TEX15: variants seen among roughly 807,000 people sequenced by gnomAD.
TEX15 encodes testis-expressed protein 15.
TEX15 carries 171 observed loss-of-function variants against 237.3 expected under a neutral mutation model. The ratio of observed to expected loss-of-function variants is 0.72; its 90% CI spans 0.64 to 0.82. TEX15 has a LOEUF of 0.82. Ranked by LOEUF, TEX15 falls within the 40% of genes least tolerant of loss-of-function variation. The pLI, the probability that TEX15 is intolerant of heterozygous loss-of-function variation, is 0.00. For missense variants in TEX15, 3,750 were observed against 3,646.5 expected (o/e 1.03, Z -0.73); for synonymous variants, 1,338 against 1,269.8 (o/e 1.05, Z -1.14).
intron 7 of TEX15, among the ~76,000 whole-genome samples, chr8:30,851,112 T>G (rs1807774577): frequency 6.6e-6 from 1 of 152,118 alleles, no homozygotes; most frequent in Non-Finnish European, 1.5e-5. Flanking sequence ...AACCCATTCT[T>G]ACTCATTTAC....
At chr8:30,873,251 T>C (rs942791486) in intron 4 of TEX15, among the ~76,000 whole-genome samples, 14 of 152,286 alleles carry the variant, frequency 9.2e-5, no homozygotes, top group African/African-American at 3.4e-4. Context: ...TTAAATCTCA[T>C]TCCTTTTAAA....
intron 2 of TEX15, among the ~76,000 whole-genome samples, chr8:30,889,375 C>T (rs1269769933): frequency 6.6e-6 from 1 of 152,082 alleles, no homozygotes; most frequent in African/African-American, 2.4e-5. Flanking sequence ...TCACTTGAAC[C>T]CGGGAGGTGG....
chr8:30,843,730 T>C lies in TEX15; in HGVS notation c.6437A>G (p.His2146Arg). 2 of 1,613,192 alleles carry C rather than the reference T, an allele frequency of 1.2e-6. No homozygotes were observed. Among genetic ancestry groups the C allele is most frequent in the South Asian group, 1.1e-5 (1 of 90,932 alleles). The change falls in exon 8 of 11, where the codon CAT (histidine) becomes CGT (arginine). Residue 2146 changes from histidine to arginine, a missense_variant. Transcript: ENST00000643185. ...YNAFCELQTY[H>R]DQLVELLEET... Reference sequence around the variant, plus strand: ...TTCAAGCAATTCAACTAATTGATCATGGTAAGTCTGTAACTCACAGAATGC... The same window carrying C: ...TTCAAGCAATTCAACTAATTGATCACGGTAAGTCTGTAACTCACAGAATGC...
intron 5 of TEX15, among the ~76,000 whole-genome samples, chr8:30,862,418 T>C (rs1808069858): frequency 6.6e-6 from 1 of 152,102 alleles, no homozygotes; most frequent in African/African-American, 2.4e-5. Flanking sequence ...AAGCAAGTAA[T>C]ATACAAAGCA....
Position 30,862,945 on chromosome 8 carries a change from G to A in TEX15, c.541-2888C>T, listed in dbSNP as rs78554397. Reference sequence around the variant, plus strand: ...AATAGTTCAGAGGTCAATTGGGAAGGTGGTGGAGTAGGAGGTACCAGACAT... The same window carrying A: ...AATAGTTCAGAGGTCAATTGGGAAGATGGTGGAGTAGGAGGTACCAGACAT... On this transcript the variant is annotated intron_variant, in intron 5 of 10. Transcript: ENST00000643185. 4.4e-3 allele frequency among the ~76,000 whole-genome samples: 677 copies of A among 152,232 alleles called. 6 individuals are homozygous for A. Among genetic ancestry groups the A allele is most frequent in the African/African-American group, 0.015 (641 of 41,532 alleles).
intron 2 of TEX15, among the ~76,000 whole-genome samples, chr8:30,889,617 A>T (rs751823640): frequency 3.5e-3 from 531 of 152,300 alleles, no homozygotes; most frequent in Non-Finnish European, 5.4e-3. Flanking sequence ...AACTAATAAA[A>T]GATGAATAAT....
rs1585322531 is a variant in TEX15 at position 30,912,924 on chromosome 8, A to T, written c.-131T>A. The T allele has an allele frequency of 6.6e-6, 1 of 152,446 alleles. No individual in the cohort carries two copies. Among genetic ancestry groups the T allele is most frequent in the East Asian group, 1.9e-4 (1 of 5,168 alleles). 9.4% of individuals were successfully genotyped at this position (152,446 alleles called of 1,614,324 possible). Reference sequence around the variant, plus strand: ...CAGTCAGTTCCTCAGACTCAATCTTAGCACGGTACAGACCTTCGCCCACTG... The same window carrying T: ...CAGTCAGTTCCTCAGACTCAATCTTTGCACGGTACAGACCTTCGCCCACTG... On this transcript the variant is annotated 5_prime_UTR_variant, in exon 1 of 11. Coordinates refer to ENST00000643185, the MANE Select transcript of TEX15 (RefSeq NM_001350162.2).
chr8:30,842,724 A>G lies in TEX15; in HGVS notation c.7443T>C (p.Leu2481=), dbSNP rs1364245467. ...CTTGGCACTGAACCAGCTCAGGAAGAAGTGACAAATCAAACCAAAGCATAC... is the reference window on the plus strand; with the variant it reads ...CTTGGCACTGAACCAGCTCAGGAAGGAGTGACAAATCAAACCAAAGCATAC... ...FRGMLWFDLS[L]LPELVQCQEK... Residue 2481 remains leucine, a synonymous_variant, in exon 8 of 11, where the codon CTT becomes CTC. Transcript: ENST00000643185. 1.2e-6 allele frequency: 2 copies of G among 1,613,548 alleles called. No individual in the cohort carries two copies. Among genetic ancestry groups the G allele is most frequent in the Admixed American group, 1.7e-5 (1 of 60,000 alleles).
Position 30,842,679 on chromosome 8 carries a change from T to C in TEX15, c.7488A>G (p.Ser2496=). Residue 2496 remains serine, a synonymous_variant, in exon 8 of 11, where the codon TCA becomes TCG. Coordinates refer to ENST00000643185, the MANE Select transcript of TEX15 (RefSeq NM_001350162.2). ...VQCQEKMASF[S]FLKDNSTDVC... is the part of the protein sequence containing the mutation. ...CATCTGTTGAGTTATCTTTAAGAAA[T>C]GAAAAAGAAGCCATTTTTTCTTGGC... 6.2e-7 allele frequency: 1 copy of C among 1,612,834 alleles called. No individual in the cohort carries two copies. Among genetic ancestry groups the C allele is most frequent in the African/African-American group, 1.3e-5 (1 of 75,024 alleles).
intron 2 of TEX15, among the ~76,000 whole-genome samples, chr8:30,892,949 C>T (rs1307758001): frequency 1.3e-5 from 2 of 149,988 alleles, no homozygotes; most frequent in Admixed American, 6.7e-5. Flanking sequence ...AGGAGAACAG[C>T]GTGAACCCGG....
At chr8:30,866,743 A>G (rs909779297) in intron 5 of TEX15, among the ~76,000 whole-genome samples, 1 of 151,708 alleles carries the variant, frequency 6.6e-6, no homozygotes, top group Admixed American at 6.6e-5. Flanking sequence ...ACACACACAC[A>G]CGCATGCACA....
intron 5 of TEX15, among the ~76,000 whole-genome samples, chr8:30,866,581 A>C (rs955120380): frequency 2.0e-5 from 3 of 152,136 alleles, no homozygotes; most frequent in Non-Finnish European, 2.9e-5. Flanking sequence ...GCATTTTCCC[A>C]TATCTTTAAA....
intron 2 of TEX15, among the ~76,000 whole-genome samples, chr8:30,888,006 T>C (rs1019937197): frequency 6.7e-6 from 1 of 149,792 alleles, no homozygotes; most frequent in Non-Finnish European, 1.5e-5. Flanking sequence ...TCCCTGCTCC[T>C]GAAAAGCTCA....
At chr8:30,882,471 A>T (rs1808551749) in intron 3 of TEX15, among the ~76,000 whole-genome samples, 1 of 152,166 alleles carries the variant, frequency 6.6e-6, no homozygotes, top group Non-Finnish European at 1.5e-5. Flanking sequence ...TATTTTTAGT[A>T]GAGACAGGGT....
rs1292071711 is a variant in TEX15 at position 30,842,387 on chromosome 8, G to C, written c.7780C>G (p.Leu2594Val). The C allele has an allele frequency of 6.2e-7, 1 of 1,613,592 alleles. No homozygotes were observed. The highest frequency in any genetic ancestry group is 8.5e-7 in the Non-Finnish European group (1 of 1,179,832). ...LEYNYNQFST[L>V]LKNVMSAPRK... ...GGGGCAGACATTACATTCTTCAGCA[G>C]TGTAGAAAATTGATTGTAGTTGTAT... The change falls in exon 8 of 11, where the codon CTG (leucine) becomes GTG (valine). Residue 2594 changes from leucine (L) to valine (V), a missense_variant. Physicochemically the swap from Leu to Val is conservative, Grantham distance 32. Transcript: ENST00000643185.
chr8:30,906,144 T>C (rs55860277), intron 1 of TEX15, among the ~76,000 whole-genome samples: 36,534 of 152,126 alleles, frequency 0.24, 6,573 homozygotes, highest in African/African-American at 0.5. Flanking sequence ...TATTGGCTAT[T>C]ATTATTAATG....
At chr8:30,863,787 T>G (rs76611244) in intron 5 of TEX15, among the ~76,000 whole-genome samples, 9,296 of 152,036 alleles carry the variant, frequency 0.061, 520 homozygotes, top group Admixed American at 0.19. Context: ...AGCAGGTTGA[T>G]CCTTGGCACA....
intron 3 of TEX15, among the ~76,000 whole-genome samples, chr8:30,880,053 G>C (rs1256134445): frequency 6.6e-6 from 1 of 151,800 alleles, no homozygotes; most frequent in Non-Finnish European, 1.5e-5. Context: ...CTTTGAGGTG[G>C]AATCTTGCTC....
Position 30,843,000 on chromosome 8 carries a change from A to G in TEX15, c.7167T>C (p.Asp2389=). The G allele has an allele frequency of 4.3e-6, 7 of 1,613,404 alleles. No individual in the cohort carries two copies. The highest frequency in any genetic ancestry group is 5.9e-6 in the Non-Finnish European group (7 of 1,179,708). Residue 2389 remains aspartate, a synonymous_variant, in exon 8 of 11, where the codon GAT becomes GAC. Coordinates refer to ENST00000643185, the MANE Select transcript of TEX15 (RefSeq NM_001350162.2). ...AEFADLKKLQ[D]LTLRCTDHLE... is the part of the protein sequence containing the mutation. ...AGTGATCTGTACATCTCAAGGTGAG[A>G]TCCTGTAATTTTTTAAGGTCTGCAA... is the stretch of plus-strand genomic sequence containing the variant.
Sources: allele counts gnomAD v4.1 joint callset (sites outside exome capture counted in the v4.1 genomes callset), GRCh38; gene constraint gnomAD v4.1.1; transcripts MANE v1.5; gene names NCBI Gene and HGNC (gene_info 2026-07-23, HGNC 2026-07-21).